MRPS23: variants seen among roughly 807,000 people sequenced by gnomAD.
The protein encoded by MRPS23 is mitochondrial ribosomal protein S23, also known as small ribosomal subunit protein mS23.
In MRPS23, 14 loss-of-function variants were observed where a neutral mutation model predicts 19.8. The observed-to-expected ratio is 0.71, with a 90% CI of 0.47 to 1.11. MRPS23 has a LOEUF of 1.11. MRPS23 is among the 50% of genes least tolerant of loss of function. MRPS23 has a pLI of 0.00. For missense variants in MRPS23, 242 were observed against 236.7 expected, an observed-to-expected ratio of 1.02 and a Z score of -0.15; for synonymous variants, 113 against 89.7, an observed-to-expected ratio of 1.26 and a Z score of -1.47.
In MRPS23 at chr17:57,842,891, TACAC is replaced by T. The variant is rs35501487; in HGVS notation, c.216-1635_216-1632del. Among the ~76,000 whole-genome samples the T allele has an allele frequency of 8.1e-3, 618 of 76,474 alleles. 8 individuals are homozygous for T. The highest frequency in any genetic ancestry group is 0.019 in the African/African-American group (387 of 19,958). The allele number at this position is 76,474 out of a possible 152,430, so 50.2% of individuals were successfully genotyped here. On this transcript the variant is annotated intron_variant, in intron 2 of 4. Coordinates refer to ENST00000313608, the MANE Select transcript of MRPS23 (RefSeq NM_016070.4). Reference sequence around the variant, plus strand: ...AAAAAAAAAAAAAAATATATATATATACACACACACACACACACACACACACACA... The same window carrying T: ...AAAAAAAAAAAAAAATATATATATATACACACACACACACACACACACACA...
rs557591467 is a variant in MRPS23, at chr17:57,847,072, G to A, written c.215+2168C>T. ...CAACACTTTGGGAGGCAAGGCGGGC[G>A]GATCACGAGGTCAGGAGTTTGAGAC... On this transcript the variant is annotated intron_variant, in intron 2 of 4. Coordinates refer to ENST00000313608, the MANE Select transcript of MRPS23 (RefSeq NM_016070.4). Among the ~76,000 whole-genome samples the A allele has an allele frequency of 8.6e-5, 13 of 151,424 alleles. No individual in the cohort carries two copies. The South Asian group carries it at 1.9e-3, about 22-fold the overall frequency.
intron 2 of MRPS23, chr17:57,849,015 G>A (rs760833501): frequency 7.2e-6 from 4 of 559,322 alleles, no homozygotes; most frequent in African/African-American, 3.8e-5. Flanking sequence ...AGAAACATGC[G>A]GCTATAATTG....
chr17:57,846,524 G>T (rs1190182423), intron 2 of MRPS23, among the ~76,000 whole-genome samples: 2 of 152,240 alleles, frequency 1.3e-5, no homozygotes, highest in African/African-American at 4.8e-5. Context: ...TACTGTGTCT[G>T]TGTGGAAAGA....
Position 57,835,952 on chromosome 17 carries a change from C to CTTTTTTTTTTTTTTTTTTTTTTT in MRPS23, c.*3830_*3831insAAAAAAAAAAAAAAAAAAAAAAA, listed in dbSNP as rs11304363. The CTTTTTTTTTTTTTTTTTTTTTTT allele has an allele frequency of 7.4e-6, 1 of 135,256 alleles. No individual in the cohort carries two copies. The highest frequency in any genetic ancestry group is 1.6e-5 in the Non-Finnish European group (1 of 62,630). 8.4% of individuals were successfully genotyped at this position (135,256 alleles called of 1,614,324 possible). On this transcript the variant is annotated 3_prime_UTR_variant, in exon 5 of 5. Transcript: ENST00000313608. The stretch of plus-strand genomic sequence containing the variant: ...ATAAGAATTTCTGCCCTCCTTTATA[C>CTTTTTTTTTTTTTTTTTTTTTTT]TTTTTTTTTTTTTTTTTTTGAGACA...
intron 2 of MRPS23, among the ~76,000 whole-genome samples, chr17:57,842,885 TATATATACACACACAC>T (rs2073748605): frequency 2.7e-5 from 3 of 109,272 alleles, no homozygotes; most frequent in African/African-American, 1.1e-4. Flanking sequence ...AAAAAATATA[TATATATACACACACAC>T]ACACACACAC....
At position 57,838,430 on chromosome 17, in the gene MRPS23, T is replaced by A. The variant is rs1007935446; in HGVS notation, c.*1353A>T. On this transcript the variant is annotated 3_prime_UTR_variant, in exon 5 of 5. Transcript: ENST00000313608. ...ATTCATCATTGTGGCAAAAAAAACC[T>A]GCCCTTAAAAAACCAGAAACCTAAG... is the stretch of plus-strand genomic sequence containing the variant. The A allele has an allele frequency of 6.6e-6, 1 of 151,308 alleles. No homozygotes were observed. Among genetic ancestry groups the A allele is most frequent in the Non-Finnish European group, 1.5e-5 (1 of 67,922 alleles). The allele number at this position is 151,308 out of a possible 1,614,324, so 9.4% of individuals were successfully genotyped here. A position where few individuals can be genotyped will look rare whatever the true frequency, so the allele number is the denominator to read the frequency against.
chr17:57,848,382 C>T (rs2073790068), intron 2 of MRPS23, among the ~76,000 whole-genome samples: 1 of 151,846 alleles, frequency 6.6e-6, no homozygotes, highest in Non-Finnish European at 1.5e-5. Context: ...CATGATTTTC[C>T]TTCAAATTCC....
chr17:57,841,366 G>A (rs1597951789), intron 2 of MRPS23, 106 bp from the exon 3 acceptor site: 5 of 1,172,968 alleles, frequency 4.3e-6, no homozygotes, highest in African/African-American at 1.5e-5. Flanking sequence ...AGTTAAGTAC[G>A]GTATAACCCA....
chr17:57,835,656 T>G lies in MRPS23; in HGVS notation c.*4127A>C, dbSNP rs2073699903. On this transcript the variant is annotated 3_prime_UTR_variant, in exon 5 of 5. Transcript: ENST00000313608. ...ACCAGCCACACATTACAAATGAGCT[T>G]TGCACTCATCTCAATTAATCCTCAC... is the stretch of plus-strand genomic sequence containing the variant. 6.6e-6 allele frequency: 1 copy of G among 152,216 alleles called. No homozygotes were observed. The highest frequency in any genetic ancestry group is 1.5e-5 in the Non-Finnish European group (1 of 68,060). 9.4% of individuals were successfully genotyped at this position (152,216 alleles called of 1,614,324 possible). A position where few individuals can be genotyped will look rare whatever the true frequency, so the allele number is the denominator to read the frequency against.
rs1378047081 is a variant in MRPS23 at position 57,838,190 on chromosome 17, T to G, written c.*1593A>C. 7.0e-6 allele frequency: 1 copy of G among 141,874 alleles called. No homozygotes were observed. Among genetic ancestry groups the G allele is most frequent in the African/African-American group, 2.6e-5 (1 of 38,232 alleles). The allele number at this position is 141,874 out of a possible 1,614,324, so 8.8% of individuals were successfully genotyped here. A position where few individuals can be genotyped will look rare whatever the true frequency, so the allele number is the denominator to read the frequency against. ...CTGTAATCCCAGCTACTTGGGAGGC[T>G]GAGGCAGAAGAACTGCTTGAACCTG... On this transcript the variant is annotated 3_prime_UTR_variant, in exon 5 of 5. Coordinates refer to ENST00000313608, the MANE Select transcript of MRPS23 (RefSeq NM_016070.4).
Position 57,839,247 on chromosome 17 carries a change from A to T in MRPS23, c.*536T>A, listed in dbSNP as rs2073725747. On this transcript the variant is annotated 3_prime_UTR_variant, in exon 5 of 5. Transcript: ENST00000313608. ...GTTACAGTTTTGGTCTTTGTGTATCAGCAATGACAGGTCCTCACTCTTACC... is the reference window on the plus strand; with the variant it reads ...GTTACAGTTTTGGTCTTTGTGTATCTGCAATGACAGGTCCTCACTCTTACC... 6.5e-6 allele frequency: 1 copy of T among 152,882 alleles called. No individual in the cohort carries two copies. The highest frequency in any genetic ancestry group is 1.5e-5 in the Non-Finnish European group (1 of 68,476). 9.5% of individuals were successfully genotyped at this position (152,882 alleles called of 1,614,324 possible).
chr17:57,842,071 C>T (rs2073743428), intron 2 of MRPS23, among the ~76,000 whole-genome samples: 2 of 152,030 alleles, frequency 1.3e-5, no homozygotes, highest in Admixed American at 1.3e-4. Context: ...GGTAGCAGTG[C>T]TGTGATCATA....
Position 57,841,915 on chromosome 17 carries a change from C to T in MRPS23, c.216-655G>A, listed in dbSNP as rs576801635. 1.2e-4 allele frequency among the ~76,000 whole-genome samples: 18 copies of T among 152,146 alleles called. No homozygotes were observed. In the South Asian group the frequency reaches 3.7e-3, roughly 32 times the overall value. On this transcript the variant is annotated intron_variant, in intron 2 of 4. Transcript: ENST00000313608. Reference sequence around the variant, plus strand: ...TAAGTGGAGAGCGCACCATTGCACTCCAACCTGGGCAACAGAATGAGACTC... The same window carrying T: ...TAAGTGGAGAGCGCACCATTGCACTTCAACCTGGGCAACAGAATGAGACTC...
chr17:57,849,290 T>C lies in MRPS23; in HGVS notation c.165A>G (p.Lys55=). Residue 55 remains lysine, a synonymous_variant, in exon 2 of 5, where the codon AAA becomes AAG. Coordinates refer to ENST00000313608, the MANE Select transcript of MRPS23 (RefSeq NM_016070.4). The part of the protein sequence containing the change: ...VFQRPRVRYG[K]AKAPIQDIWY... ...AGATGTCTTGGATGGGAGCTTTGGC[T>C]TTGCCATATCGCACTCGAGGCCTTT... 6.2e-7 allele frequency: 1 copy of C among 1,614,234 alleles called. No individual in the cohort carries two copies. Among genetic ancestry groups the C allele is most frequent in the Non-Finnish European group, 8.5e-7 (1 of 1,180,042 alleles).
At position 57,837,739 on chromosome 17, in the gene MRPS23, G is replaced by A. The variant is rs2073713899; in HGVS notation, c.*2044C>T. 6.6e-6 allele frequency: 1 copy of A among 152,328 alleles called. No homozygotes were observed. Among genetic ancestry groups the A allele is most frequent in the Non-Finnish European group, 1.5e-5 (1 of 68,216 alleles). The allele number at this position is 152,328 out of a possible 1,614,324, so 9.4% of individuals were successfully genotyped here. ...CCAGCACTTTGGGCGGCTGAGGCAG[G>A]AGGATCGCTTGAGGCCAGGAGTTTG... On this transcript the variant is annotated 3_prime_UTR_variant, in exon 5 of 5. Transcript: ENST00000313608.
intron 2 of MRPS23, among the ~76,000 whole-genome samples, chr17:57,843,577 G>T (rs2073754088): frequency 6.6e-6 from 1 of 152,116 alleles, no homozygotes; most frequent in South Asian, 2.1e-4. Flanking sequence ...AGGTAATCAG[G>T]TCATGGTAAT....
Position 57,839,544 on chromosome 17 carries a change from T to C in MRPS23, c.*239A>G. 1 of 357,650 alleles carries C rather than the reference T, an allele frequency of 2.8e-6. No homozygotes were observed. Among genetic ancestry groups the C allele is most frequent in the Non-Finnish European group, 5.0e-6 (1 of 200,120 alleles). The allele number at this position is 357,650 out of a possible 1,614,324, so 22.2% of individuals were successfully genotyped here. Reference sequence around the variant, plus strand: ...ATGTTATTTACAATTCAAAGTAAATTTACTTTATAAGCAGCTAGGGAATTC... The same window carrying C: ...ATGTTATTTACAATTCAAAGTAAATCTACTTTATAAGCAGCTAGGGAATTC... On this transcript the variant is annotated 3_prime_UTR_variant, in exon 5 of 5. Transcript: ENST00000313608.
rs1215464855 is a variant in MRPS23, at chr17:57,836,641, A to T, written c.*3142T>A. Reference sequence around the variant, plus strand: ...ATTCCTGTTCATCTTGCTGTTTCACAAGTCACTCTTGTAGTCCCAACTCGA... The same window carrying T: ...ATTCCTGTTCATCTTGCTGTTTCACTAGTCACTCTTGTAGTCCCAACTCGA... On this transcript the variant is annotated 3_prime_UTR_variant, in exon 5 of 5. Transcript: ENST00000313608. 1 of 151,894 alleles carries T rather than the reference A, an allele frequency of 6.6e-6. No individual in the cohort carries two copies. Among genetic ancestry groups the T allele is most frequent in the Non-Finnish European group, 1.5e-5 (1 of 67,998 alleles). 9.4% of individuals were successfully genotyped at this position (151,894 alleles called of 1,614,324 possible). A position where few individuals can be genotyped will look rare whatever the true frequency, so the allele number is the denominator to read the frequency against.
At chr17:57,843,737 G>C (rs1293165054) in intron 2 of MRPS23, among the ~76,000 whole-genome samples, 2 of 152,156 alleles carry the variant, frequency 1.3e-5, no homozygotes, top group Non-Finnish European at 2.9e-5. Flanking sequence ...CTAGCCTCCA[G>C]AACTATGAGA....
Sources: gnomAD v4.1 joint callset for allele counts (sites outside exome capture counted in the v4.1 genomes callset) on GRCh38, gnomAD v4.1.1 for gene constraint, MANE v1.5 for transcripts, NCBI Gene and HGNC (gene_info 2026-07-23, HGNC 2026-07-21) for gene names.